The following CUEDC1 variants were observed in gnomAD, a reference collection of about 807,000 sequenced individuals.
The protein encoded by CUEDC1 is CUE domain-containing protein 1.
Under a neutral mutation model 43.7 loss-of-function variants are expected in CUEDC1, and 30 were observed. The ratio of observed to expected loss-of-function variants is 0.69; its 90% confidence interval spans 0.51 to 0.93. The LOEUF (loss-of-function observed/expected upper bound fraction) is 0.93. CUEDC1 is among the 40% of genes least tolerant of loss of function. CUEDC1 has a pLI of 0.00. For missense variants in CUEDC1, 486 were observed against 549.0 expected, an observed-to-expected ratio of 0.89 and a Z score of 1.15; for synonymous variants, 223 against 223.6, an observed-to-expected ratio of 1.00 and a Z score of 0.02.
chr17:57,909,824 G>C (rs140153053), intron 1 of CUEDC1, among the ~76,000 whole-genome samples: 1 of 152,250 alleles, frequency 6.6e-6, no homozygotes, highest in Admixed American at 6.5e-5. Context: ...CAGAGCAATG[G>C]GGAGGAGTCA....
intron 1 of CUEDC1, among the ~76,000 whole-genome samples, chr17:57,921,299 AG>A (rs1186363647): frequency 6.6e-6 from 1 of 152,228 alleles, no homozygotes; most frequent in African/African-American, 2.4e-5. Context: ...AAGGCATAAA[AG>A]TTCCTTGTGA....
chr17:57,878,318 C>T (rs1334116401), intron 3 of CUEDC1, among the ~76,000 whole-genome samples: 3 of 152,220 alleles, frequency 2.0e-5, no homozygotes, highest in African/African-American at 7.2e-5. Flanking sequence ...CAGTGCCCGC[C>T]TCTGCATTAA....
chr17:57,920,835 C>T (rs189246053), intron 1 of CUEDC1, among the ~76,000 whole-genome samples: 1 of 152,100 alleles, frequency 6.6e-6, no homozygotes, highest in Admixed American at 6.6e-5. Context: ...CAGGGTTTCG[C>T]CATGTTGGCC....
chr17:57,895,469 G>A (rs956151314), intron 1 of CUEDC1, among the ~76,000 whole-genome samples: 8 of 152,204 alleles, frequency 5.3e-5, no homozygotes, highest in Non-Finnish European at 8.8e-5. Context: ...GGAAGCAAAG[G>A]AGAAGACAAA....
At chr17:57,927,400 A>G (rs1459744031) in intron 1 of CUEDC1, among the ~76,000 whole-genome samples, 2 of 151,826 alleles carry the variant, frequency 1.3e-5, no homozygotes, top group South Asian at 2.1e-4. Context: ...GAGAAAGAAA[A>G]AAAAAAAAAA....
In CUEDC1 at chr17:57,955,250, C is replaced by T. The variant is rs1406175080; in HGVS notation, c.-341G>A. On this transcript the variant is annotated 5_prime_UTR_variant, in exon 1 of 11. Transcript: ENST00000577830. This position sits in a 1 kb window ranked among gnomAD's most constrained non-coding sequence, Gnocchi z 5.3. ...CGGGCAGCGCCACGCGCGTCCGCTC[C>T]GCGCGGGCCGCAGGGGCCGGGCCGC... is the stretch of plus-strand genomic sequence containing the variant. The T allele has an allele frequency of 2.8e-4, 41 of 144,992 alleles. 1 individual carries two copies. The South Asian group carries it at 7.5e-3, about 26-fold the overall frequency. 9.0% of individuals were successfully genotyped at this position (144,992 alleles called of 1,614,324 possible). A position where few individuals can be genotyped will look rare whatever the true frequency, so the allele number is the denominator to read the frequency against.
Position 57,873,669 on chromosome 17 carries a change from C to A in CUEDC1, c.513G>T (p.Arg171=), listed in dbSNP as rs2074068513. The change falls in exon 4 of 11, where the codon CGG becomes CGT. Residue 171 remains arginine (R), a synonymous_variant. Transcript: ENST00000577830. ...TGCCCAGCAGTGGTGGGTTCCAGTT[C>A]CGATAGCGTCTCTGGCTTGTAGGGG... The part of the protein sequence containing the change: ...SGAPTSQRRY[R]NWNPPLLGNL... The A allele has an allele frequency of 6.2e-6, 10 of 1,605,470 alleles. No homozygotes were observed. The highest frequency in any genetic ancestry group is 6.8e-6 in the Non-Finnish European group (8 of 1,175,910).
intron 1 of CUEDC1, among the ~76,000 whole-genome samples, chr17:57,939,571 C>T (rs1160387820): frequency 3.9e-5 from 6 of 152,168 alleles, no homozygotes; most frequent in Admixed American, 6.5e-5. Flanking sequence ...TGAACCATTT[C>T]GCCTGACCTG....
chr17:57,883,338 G>A (rs945410096), intron 2 of CUEDC1, among the ~76,000 whole-genome samples: 4 of 152,196 alleles, frequency 2.6e-5, no homozygotes, highest in African/African-American at 7.2e-5. Flanking sequence ...CACCCACTAA[G>A]GAGGAAAAGC....
chr17:57,867,212 C>A (rs1050443067), intron 9 of CUEDC1, 145 bp downstream of exon 9: 2 of 738,304 alleles, frequency 2.7e-6, no homozygotes, highest in Admixed American at 4.2e-5. Context: ...TCAGGGGGAT[C>A]CATATCTTTG....
rs544138683 is a variant in CUEDC1, at chr17:57,930,708, C to A, written c.-316+24517G>T. ...TTAAAAAGAAGATATCCACATCTAT[C>A]GTGAAAGCTGAGAAATCTAAGAGCT... On this transcript the variant is annotated intron_variant, in intron 1 of 10. Coordinates refer to ENST00000577830, the MANE Select transcript of CUEDC1 (RefSeq NM_001271875.2). This position sits in a 1 kb window ranked among gnomAD's most constrained non-coding sequence, Gnocchi z 4.2. Among the ~76,000 whole-genome samples the A allele has an allele frequency of 6.6e-6, 1 of 152,262 alleles. No homozygotes were observed. The highest frequency in any genetic ancestry group is 1.9e-4 in the East Asian group (1 of 5,182).
At chr17:57,933,351 T>C (rs1322034307) in intron 1 of CUEDC1, among the ~76,000 whole-genome samples, 1 of 152,136 alleles carries the variant, frequency 6.6e-6, no homozygotes, top group Non-Finnish European at 1.5e-5. Context: ...ACCAAATCTC[T>C]CCAGAAGCAG....
chr17:57,920,795 C>T (rs907954036), intron 1 of CUEDC1, among the ~76,000 whole-genome samples: 6 of 151,688 alleles, frequency 4.0e-5, no homozygotes, highest in South Asian at 2.1e-4. Flanking sequence ...ACCACCATGC[C>T]GAGTAAATTT....
intron 4 of CUEDC1, among the ~76,000 whole-genome samples, chr17:57,873,123 T>C (rs1032869219): frequency 6.6e-6 from 1 of 152,182 alleles, no homozygotes; most frequent in Non-Finnish European, 1.5e-5. Flanking sequence ...TGAACAGTCC[T>C]GAAAACAAAT....
chr17:57,885,216 G>T lies in CUEDC1; in HGVS notation c.336+13C>A. On this transcript the variant is annotated intron_variant, in intron 2 of 10. Coordinates refer to ENST00000577830, the MANE Select transcript of CUEDC1 (RefSeq NM_001271875.2). ...TCCAGTGGTGGTTGGAATTACCCGG[G>T]CTGCGCCCCTACCTCCGGGGGGATG... The T allele has an allele frequency of 6.5e-7, 1 of 1,549,196 alleles. No individual in the cohort carries two copies. Among genetic ancestry groups the T allele is most frequent in the Non-Finnish European group, 8.7e-7 (1 of 1,144,824 alleles).
At position 57,863,512 on chromosome 17, in the gene CUEDC1, G is replaced by T. The variant is rs150752499; in HGVS notation, c.*4-227C>A. On this transcript the variant is annotated intron_variant, in intron 10 of 10. Coordinates refer to ENST00000577830, the MANE Select transcript of CUEDC1 (RefSeq NM_001271875.2). ...CCCAGCTGCAGGGACTCTGGCAGCA[G>T]GAGATGGAGTGAAGGAATGGAATCC... Among the ~76,000 whole-genome samples, 782 of 152,318 alleles carry T rather than the reference G, an allele frequency of 5.1e-3. 9 individuals carry two copies. The highest frequency in any genetic ancestry group is 0.016 in the African/African-American group (675 of 41,556).
At chr17:57,889,758 CACAGGACTCTATAAGGTCTCAG>C (rs1480121506) in intron 1 of CUEDC1, among the ~76,000 whole-genome samples, 6 of 152,132 alleles carry the variant, frequency 3.9e-5, no homozygotes, top group African/African-American at 1.4e-4. Flanking sequence ...GTACCATTTC[CACAGGACTCTATAAGGTCTCAG>C]AGACTCCCAG....
chr17:57,883,900 C>T (rs1418467350), intron 2 of CUEDC1, among the ~76,000 whole-genome samples: 3 of 152,158 alleles, frequency 2.0e-5, no homozygotes, highest in Admixed American at 2.0e-4. Flanking sequence ...GATTAACAGG[C>T]TCTGTGTGCC....
At chr17:57,934,856 C>T (rs1348946834) in intron 1 of CUEDC1, among the ~76,000 whole-genome samples, 1 of 151,784 alleles carries the variant, frequency 6.6e-6, no homozygotes, top group African/African-American at 2.4e-5. Context: ...TACAGGCATG[C>T]CCCACCATGC....
Sources: gnomAD v4.1 joint callset for allele counts (sites outside exome capture counted in the v4.1 genomes callset) on GRCh38, gnomAD v4.1.1 for gene constraint, Gnocchi (gnomAD v3.1) non-coding constraint, MANE v1.5 for transcripts, NCBI Gene and HGNC (gene_info 2026-07-23, HGNC 2026-07-21) for gene names.